The following TTC33 variants were observed in gnomAD, a reference collection of about 807,000 sequenced individuals.
TTC33 encodes tetratricopeptide repeat domain 33.
TTC33 carries 24 observed loss-of-function variants against 29.4 expected under a neutral mutation model. That is an observed-to-expected ratio of 0.82 (90% CI 0.59 to 1.15). The LOEUF is 1.15. Among genes scored for constraint, TTC33 ranks in the 50% most tolerant of loss-of-function variants. TTC33 has a pLI of 0.00. For missense variants in TTC33, 286 were observed against 310.4 expected (o/e 0.92, Z 0.59); for synonymous variants, 107 against 100.3 (o/e 1.07, Z -0.40).
At chr5:40,738,567 T>TAAAATAAAATATAAAATAAA (rs1286758071) in intron 2 of TTC33, among the ~76,000 whole-genome samples, 28 of 67,588 alleles carry the variant, frequency 4.1e-4, no homozygotes, top group Admixed American at 6.3e-4. Flanking sequence ...TAAAATAAAA[T>TAAAATAAAATATAAAATAAA]ATAAAATAAA....
At chr5:40,722,922 C>T (rs902303459) in intron 4 of TTC33, among the ~76,000 whole-genome samples, 18 of 152,068 alleles carry the variant, frequency 1.2e-4, no homozygotes, top group Admixed American at 2.0e-4. Context: ...CCAGCCGCCA[C>T]CCCATCTGGG....
chr5:40,730,002 A>T (rs887183907), intron 3 of TTC33, among the ~76,000 whole-genome samples: 2 of 152,124 alleles, frequency 1.3e-5, no homozygotes, highest in African/African-American at 4.8e-5. Flanking sequence ...CCTGCCCACC[A>T]GTGACTTTAA....
rs1325804524 is a variant in TTC33, at chr5:40,746,705, A to T, written c.221+93T>A. 3 of 956,352 alleles carry T rather than the reference A, an allele frequency of 3.1e-6. No homozygotes were observed. The African/African-American group carries it at 5.0e-5, about 16-fold the overall frequency. 59.2% of individuals were successfully genotyped at this position (956,352 alleles called of 1,614,324 possible). A position where few individuals can be genotyped will look rare whatever the true frequency, so the allele number is the denominator to read the frequency against. On this transcript the variant is annotated intron_variant, in intron 2 of 4. Transcript: ENST00000337702. ...CACCTAGAATAGATTTTTAAACATG[A>T]ATTTATCAAATTCATAACTCTTCAT...
chr5:40,732,281 T>C (rs973964670), intron 2 of TTC33, among the ~76,000 whole-genome samples: 3 of 152,096 alleles, frequency 2.0e-5, no homozygotes, highest in Admixed American at 6.6e-5. Context: ...CCTCCACAAG[T>C]GCTGAGATTA....
At chr5:40,729,234 A>C (rs1561147268) in intron 3 of TTC33, among the ~76,000 whole-genome samples, 1 of 152,216 alleles carries the variant, frequency 6.6e-6, no homozygotes, top group Non-Finnish European at 1.5e-5. Context: ...GATTCAGATG[A>C]CATAATTTAT....
At chr5:40,744,362 T>A (rs566566047) in intron 2 of TTC33, among the ~76,000 whole-genome samples, 18 of 152,140 alleles carry the variant, frequency 1.2e-4, no homozygotes, top group Non-Finnish European at 2.4e-4. Context: ...TTATATTAAG[T>A]TATAATAAAA....
rs907722365 is a variant in TTC33 at position 40,711,717 on chromosome 5, T to C, written c.*4428A>G. 6.6e-6 allele frequency among the ~76,000 whole-genome samples: 1 copy of C among 152,126 alleles called. No individual in the cohort carries two copies. The highest frequency in any genetic ancestry group is 1.5e-5 in the Non-Finnish European group (1 of 67,998). Reference sequence around the variant, plus strand: ...CTATTCAGCAATAAAAAGGAACTTATTATTGATACACATGATAACATGGAT... The same window carrying C: ...CTATTCAGCAATAAAAAGGAACTTACTATTGATACACATGATAACATGGAT... On this transcript the variant is annotated 3_prime_UTR_variant, in exon 5 of 5. Transcript: ENST00000337702.
intron 2 of TTC33, 39 bp from the exon 3 acceptor site, chr5:40,730,382 T>C (rs1239796803): frequency 6.4e-7 from 1 of 1,551,794 alleles, no homozygotes; most frequent in South Asian, 1.2e-5. Context: ...ATATTTTCAA[T>C]ATGCTTTTTT....
At chr5:40,739,140 G>GTA (rs1742638975) in intron 2 of TTC33, among the ~76,000 whole-genome samples, 1 of 151,950 alleles carries the variant, frequency 6.6e-6, no homozygotes, top group African/African-American at 2.4e-5. Flanking sequence ...GTACTATAAA[G>GTA]GTATAACATT....
At chr5:40,722,998 GGGGGAAATGT>G (rs1742184429) in intron 4 of TTC33, among the ~76,000 whole-genome samples, 1 of 152,234 alleles carries the variant, frequency 6.6e-6, no homozygotes, top group East Asian at 1.9e-4. Context: ...AAATAGAAAA[GGGGGAAATGT>G]GGGGAAAAGG....
chr5:40,739,375 CAATCT>C (rs2111917646), intron 2 of TTC33, among the ~76,000 whole-genome samples: 1 of 152,270 alleles, frequency 6.6e-6, no homozygotes, highest in South Asian at 2.1e-4. Context: ...TACTATCTTC[CAATCT>C]ATGAGCATTG....
intron 2 of TTC33, among the ~76,000 whole-genome samples, chr5:40,744,246 A>G (rs980798556): frequency 2.0e-5 from 3 of 152,198 alleles, no homozygotes; most frequent in Admixed American, 1.3e-4. Flanking sequence ...AGAATTCACA[A>G]CCTAACATTA....
intron 4 of TTC33, among the ~76,000 whole-genome samples, chr5:40,721,682 AAAAAC>A (rs139979277): frequency 5.9e-5 from 9 of 151,798 alleles, no homozygotes; most frequent in East Asian, 2.0e-4. Flanking sequence ...CAAAAAAAAC[AAAAAC>A]AAAACAAAAC....
At chr5:40,725,886 C>T (rs1255301935) in intron 4 of TTC33, among the ~76,000 whole-genome samples, 5 of 150,842 alleles carry the variant, frequency 3.3e-5, no homozygotes, top group Non-Finnish European at 7.4e-5. Context: ...CCCAGGTTCA[C>T]GCCATTCTCC....
chr5:40,754,018 AAATT>A (rs1470583046), intron 1 of TTC33, among the ~76,000 whole-genome samples: 2 of 152,186 alleles, frequency 1.3e-5, no homozygotes, highest in Admixed American at 1.3e-4. Flanking sequence ...ACATCTTTTA[AAATT>A]AATAGGTCAT....
rs1483302487 is a variant in TTC33, at chr5:40,719,179, C to A, written c.436-2681G>T. Among the ~76,000 whole-genome samples the A allele has an allele frequency of 2.0e-5, 3 of 152,166 alleles. No individual in the cohort carries two copies. In the South Asian group the frequency reaches 6.2e-4, roughly 32 times the overall value. On this transcript the variant is annotated intron_variant, in intron 4 of 4. Transcript: ENST00000337702. ...ATCAATTCTAGAACATTTTTATCACCCCCAAAGAAAATTCCATACCTACTG... is the reference window on the plus strand; with the variant it reads ...ATCAATTCTAGAACATTTTTATCACACCCAAAGAAAATTCCATACCTACTG...
rs1741959729 is a variant in TTC33 at position 40,714,452 on chromosome 5, AAAT to A, written c.*1690_*1692del. ...TAATTTTTCAAAAGCTAACAACATAAAATAATAGGAAAATCTTCAAAATGCAGA... is the reference window on the plus strand; with the variant it reads ...TAATTTTTCAAAAGCTAACAACATAAAATAGGAAAATCTTCAAAATGCAGA... On this transcript the variant is annotated 3_prime_UTR_variant, in exon 5 of 5. Transcript: ENST00000337702. 1 of 152,206 alleles carries A rather than the reference AAAT, an allele frequency of 6.6e-6. No homozygotes were observed. Among genetic ancestry groups the A allele is most frequent in the Non-Finnish European group, 1.5e-5 (1 of 67,998 alleles). The allele number at this position is 152,206 out of a possible 1,614,324, so 9.4% of individuals were successfully genotyped here. A position where few individuals can be genotyped will look rare whatever the true frequency, so the allele number is the denominator to read the frequency against.
chr5:40,742,395 C>T (rs1291292338), intron 2 of TTC33, among the ~76,000 whole-genome samples: 5 of 152,028 alleles, frequency 3.3e-5, no homozygotes, highest in Admixed American at 6.6e-5. Context: ...ACATTACATA[C>T]GTAAATTCAT....
chr5:40,739,140 G>A (rs1483736083), intron 2 of TTC33, among the ~76,000 whole-genome samples: 1 of 151,950 alleles, frequency 6.6e-6, no homozygotes. Flanking sequence ...GTACTATAAA[G>A]GTATAACATT....
Sources: allele counts gnomAD v4.1 joint callset (sites outside exome capture counted in the v4.1 genomes callset), GRCh38; gene constraint gnomAD v4.1.1; transcripts MANE v1.5; gene names NCBI Gene and HGNC (gene_info 2026-07-23, HGNC 2026-07-21).